UNC13B: variants seen among roughly 807,000 people sequenced by gnomAD.
UNC13B encodes the protein protein unc-13 homolog B.
In UNC13B, 144 loss-of-function variants were observed where a neutral mutation model predicts 211.0. The ratio of observed to expected loss-of-function variants is 0.68; its 90% CI spans 0.60 to 0.78. The LOEUF (loss-of-function observed/expected upper bound fraction) is 0.78. Ranked by LOEUF, UNC13B falls within the 30% of genes least tolerant of loss-of-function variation. The probability of loss-of-function intolerance (pLI) is 0.00; values close to 1 mark genes in which losing one functional copy is unlikely to be tolerated. For missense variants in UNC13B, 1,777 were observed against 2,002.0 expected (o/e 0.89, Z 2.14); for synonymous variants, 709 against 725.8 (o/e 0.98, Z 0.37).
At chr9:35,346,407 A>C (rs547978965) in intron 11 of UNC13B, among the ~76,000 whole-genome samples, 15 of 152,198 alleles carry the variant, frequency 9.9e-5, no homozygotes, top group Non-Finnish European at 2.2e-4. Flanking sequence ...TTATTTGATA[A>C]GTCAGAGAGA....
chr9:35,301,104 A>G lies in UNC13B; in HGVS notation c.1700A>G (p.Glu567Gly). ...GAAAAGTTGGTTTCCTTAGTTCCAGAAAAAACAGAAACTCTTAATCAAATA... is the reference window on the plus strand; with the variant it reads ...GAAAAGTTGGTTTCCTTAGTTCCAGGAAAAACAGAAACTCTTAATCAAATA... ...SVEKLVSLVP[E>G]KTETLNQIEA... Residue 567 changes from glutamate (E) to glycine (G), a missense_variant, in exon 9 of 40, where the codon GAA becomes GGA. Coordinates refer to ENST00000635942, the MANE Select transcript of UNC13B (RefSeq NM_001371189.2). 1 of 398,924 alleles carries G rather than the reference A, an allele frequency of 2.5e-6. No homozygotes were observed. Among genetic ancestry groups the G allele is most frequent in the Non-Finnish European group, 4.4e-6 (1 of 225,980 alleles). 24.7% of individuals were successfully genotyped at this position (398,924 alleles called of 1,614,324 possible).
intron 11 of UNC13B, among the ~76,000 whole-genome samples, chr9:35,341,598 G>T (rs1394770111): frequency 6.6e-6 from 1 of 152,074 alleles, no homozygotes; most frequent in African/African-American, 2.4e-5. Flanking sequence ...ATATCCTATA[G>T]CCCAGATGTG....
intron 3 of UNC13B, among the ~76,000 whole-genome samples, chr9:35,235,184 A>G (rs1825425866): frequency 6.6e-6 from 1 of 152,182 alleles, no homozygotes; most frequent in South Asian, 2.1e-4. Context: ...CTGGCTCTTT[A>G]TGGAATGATT....
At chr9:35,183,798 C>G (rs532992786) in intron 1 of UNC13B, among the ~76,000 whole-genome samples, 11 of 147,472 alleles carry the variant, frequency 7.5e-5, no homozygotes, top group South Asian at 6.6e-4. Flanking sequence ...CTCCTCACAT[C>G]CCAGACGATG....
At chr9:35,260,453 A>G (rs1827210305) in intron 7 of UNC13B, among the ~76,000 whole-genome samples, 1 of 152,182 alleles carries the variant, frequency 6.6e-6, no homozygotes, top group Non-Finnish European at 1.5e-5. Flanking sequence ...AACACAGAAA[A>G]TCTGACTTAG....
intron 11 of UNC13B, among the ~76,000 whole-genome samples, chr9:35,347,456 C>G (rs1832432909): frequency 6.6e-6 from 1 of 152,150 alleles, no homozygotes; most frequent in Non-Finnish European, 1.5e-5. Flanking sequence ...GGCCTCCTGT[C>G]CCTGAGGGTT....
intron 1 of UNC13B, among the ~76,000 whole-genome samples, chr9:35,214,706 A>C (rs1275031352): frequency 6.6e-6 from 1 of 152,194 alleles, no homozygotes; most frequent in Non-Finnish European, 1.5e-5. Flanking sequence ...ATATTTAATG[A>C]GAAATGGCTG....
At chr9:35,387,111 T>C (rs1835238645) in intron 24 of UNC13B, among the ~76,000 whole-genome samples, 1 of 152,132 alleles carries the variant, frequency 6.6e-6, no homozygotes, top group South Asian at 2.1e-4. Flanking sequence ...TATATAACTC[T>C]AATCAAAAGA....
chr9:35,295,849 T>A lies in UNC13B; in HGVS notation c.680T>A (p.Leu227Gln), dbSNP rs1829329349. The A allele has an allele frequency of 1.2e-6, 2 of 1,614,026 alleles. No individual in the cohort carries two copies. The highest frequency in any genetic ancestry group is 2.7e-5 in the African/African-American group (2 of 74,900). The change falls in exon 8 of 40, where the codon CTA (leucine) becomes CAA (glutamine). Residue 227 changes from leucine (L) to glutamine (Q), a missense_variant. By Grantham distance (113) the Leu-to-Gln change is moderately radical. Transcript: ENST00000635942. ...CCGGTGCGATCGCCACAGCAGCTGC[T>A]ACTTCAAGGCAGTTCCCGGGACTCT... ...PVPVRSPQQL[L>Q]LQGSSRDSCN...
intron 6 of UNC13B, among the ~76,000 whole-genome samples, chr9:35,246,037 G>A (rs1013139168): frequency 1.3e-5 from 2 of 152,064 alleles, no homozygotes; most frequent in Non-Finnish European, 2.9e-5. Context: ...TTTAATGATC[G>A]CCATTCTAAC....
intron 11 of UNC13B, among the ~76,000 whole-genome samples, chr9:35,356,913 T>A (rs1388477377): frequency 2.0e-5 from 3 of 152,268 alleles, no homozygotes; most frequent in African/African-American, 7.2e-5. Context: ...TGCTGTAGCA[T>A]GTATCAGTAC....
intron 11 of UNC13B, among the ~76,000 whole-genome samples, chr9:35,328,662 TCCTC>T (rs1213629371): frequency 1.4e-3 from 125 of 88,172 alleles, no homozygotes; most frequent in African/African-American, 6.7e-3. Flanking sequence ...CTTCCTTCCT[TCCTC>T]CCTCCCTTCC....
chr9:35,262,743 C>A (rs779415850), intron 7 of UNC13B, among the ~76,000 whole-genome samples: 6 of 152,058 alleles, frequency 3.9e-5, no homozygotes, highest in Non-Finnish European at 7.4e-5. Flanking sequence ...CCAATCCGGG[C>A]AACATGGCAA....
Position 35,215,275 on chromosome 9 carries a change from C to T in UNC13B, c.23-12740C>T, listed in dbSNP as rs557474594. Among the ~76,000 whole-genome samples, 557 of 152,080 alleles carry T rather than the reference C, an allele frequency of 3.7e-3. 2 individuals are homozygous for T. The highest frequency in any genetic ancestry group is 4.4e-3 in the Non-Finnish European group (299 of 67,996). ...AAAATTAGCTAGGTGTGGTGGCACA[C>T]GCCTGTAATCCCAGCTACTGGGGAG... On this transcript the variant is annotated intron_variant, in intron 1 of 39. Coordinates refer to ENST00000635942, the MANE Select transcript of UNC13B (RefSeq NM_001371189.2).
intron 6 of UNC13B, among the ~76,000 whole-genome samples, chr9:35,243,971 G>A (rs950722153): frequency 2.5e-4 from 38 of 152,208 alleles, no homozygotes; most frequent in African/African-American, 8.7e-4. Flanking sequence ...AGAAATTGTT[G>A]ATAAACAATT....
chr9:35,200,181 T>C (rs1025269672), intron 1 of UNC13B, among the ~76,000 whole-genome samples: 2 of 152,244 alleles, frequency 1.3e-5, no homozygotes, highest in Non-Finnish European at 2.9e-5. Context: ...GAGGGTTCTG[T>C]TCCATTGGTC....
At chr9:35,310,425 A>G (rs1203898056) in intron 9 of UNC13B, 42 bp from the exon 10 acceptor site, 2 of 1,589,006 alleles carry the variant, frequency 1.3e-6, no homozygotes, top group Non-Finnish European at 1.7e-6. Flanking sequence ...CTGGTCCCTG[A>G]TTGCATTTAT....
Position 35,259,805 on chromosome 9 carries a change from G to GGGGT in UNC13B, c.526+757_526+758insGTGG, listed in dbSNP as rs551849946. On this transcript the variant is annotated intron_variant, in intron 7 of 39. Coordinates refer to ENST00000635942, the MANE Select transcript of UNC13B (RefSeq NM_001371189.2). ...TGTGTGTAGGGGGATGCGGGGGGGG[G>GGGGT]GGATTTTGATACTTTTGTGTTGCTC... Among the ~76,000 whole-genome samples, 202 of 120,090 alleles carry GGGGT rather than the reference G, an allele frequency of 1.7e-3. 11 individuals carry two copies. Among genetic ancestry groups the GGGGT allele is most frequent in the Middle Eastern group, 9.3e-3 (2 of 214 alleles). 78.8% of individuals were successfully genotyped at this position (120,090 alleles called of 152,430 possible).
rs112010239 is a variant in UNC13B at position 35,174,787 on chromosome 9, C to T, written c.22+12482C>T. Among the ~76,000 whole-genome samples the T allele has an allele frequency of 5.7e-3, 874 of 152,188 alleles. 4 individuals are homozygous for T. The highest frequency in any genetic ancestry group is 9.1e-3 in the Non-Finnish European group (622 of 68,000). ...GATAGTCTCAATCTCCTGGTTCCAC[C>T]GTGTTAGCCAGGATAGTCTCAATCT... On this transcript the variant is annotated intron_variant, in intron 1 of 39. Transcript: ENST00000635942.
Sources: allele counts gnomAD v4.1 joint callset (sites outside exome capture counted in the v4.1 genomes callset), GRCh38; gene constraint gnomAD v4.1.1; transcripts MANE v1.5; gene names NCBI Gene and HGNC (gene_info 2026-07-23, HGNC 2026-07-21).